The following PRR5L variants were observed in gnomAD, a reference collection of about 807,000 sequenced individuals.
PRR5L encodes the protein proline-rich protein 5-like.
A neutral mutation model predicts 36.4 loss-of-function variants in PRR5L; 21 were observed. The ratio of observed to expected loss-of-function variants is 0.58; its 90% CI spans 0.41 to 0.83. The LOEUF (loss-of-function observed/expected upper bound fraction) is 0.83, where lower values mean the gene tolerates loss of function less well. Among genes scored for constraint, PRR5L ranks in the 40% least tolerant of loss-of-function variants. The pLI is 0.00. For missense variants in PRR5L, 381 were observed against 473.3 expected (o/e 0.80, Z 1.81); for synonymous variants, 188 against 197.0 (o/e 0.95, Z 0.38).
rs376813154 is a variant in PRR5L, at chr11:36,405,291, T to A, written c.245+1913T>A. ...CACAGGCCCACTGATACATCTCTTATTTTTCAAGAAGAACTGGAAATTGAG... is the reference window on the plus strand; with the variant it reads ...CACAGGCCCACTGATACATCTCTTAATTTTCAAGAAGAACTGGAAATTGAG... On this transcript the variant is annotated intron_variant, in intron 3 of 8. Transcript: ENST00000530639. Among the ~76,000 whole-genome samples the A allele has an allele frequency of 2.3e-4, 35 of 152,362 alleles. No individual in the cohort carries two copies. In the South Asian group the frequency reaches 7.3e-3, roughly 32 times the overall value.
intron 1 of PRR5L, among the ~76,000 whole-genome samples, chr11:36,367,096 T>C (rs554679104): frequency 7.2e-5 from 11 of 152,186 alleles, no homozygotes; most frequent in Admixed American, 3.3e-4. Flanking sequence ...AGGGTGTAAA[T>C]GTCATTTTTT....
Position 36,419,253 on chromosome 11 carries a change from A to C in PRR5L, c.246-2A>C. 2 of 1,613,960 alleles carry C rather than the reference A, an allele frequency of 1.2e-6. No homozygotes were observed. The highest frequency in any genetic ancestry group is 1.7e-6 in the Non-Finnish European group (2 of 1,179,822). On this transcript the variant is annotated splice_acceptor_variant, in intron 3 of 8. Coordinates refer to ENST00000530639, the MANE Select transcript of PRR5L (RefSeq NM_001160167.2). LOFTEE classifies it high-confidence loss of function. ...GGTGTTTCTCTTCTCCCTTCTCCCC[A>C]GGCGGCTGTTGAAGAGTGAACTTGG... is the stretch of plus-strand genomic sequence containing the variant.
intron 4 of PRR5L, among the ~76,000 whole-genome samples, chr11:36,431,508 T>C (rs572786466): frequency 6.6e-6 from 1 of 152,258 alleles, no homozygotes; most frequent in African/African-American, 2.4e-5. Flanking sequence ...ATTGCCTCAA[T>C]GCTTCCTTTT....
rs147577886 is a variant in PRR5L at position 36,361,098 on chromosome 11, T to C, written c.-125-39899T>C. ...AACTCATCTTAGTTGCTTGAGATCCTTTTAGGAGGTCCATGAGCTCAAAAC... is the reference window on the plus strand; with the variant it reads ...AACTCATCTTAGTTGCTTGAGATCCCTTTAGGAGGTCCATGAGCTCAAAAC... On this transcript the variant is annotated intron_variant, in intron 1 of 8. Coordinates refer to ENST00000530639, the MANE Select transcript of PRR5L (RefSeq NM_001160167.2). 3.0e-3 allele frequency among the ~76,000 whole-genome samples: 463 copies of C among 152,350 alleles called. 2 individuals carry two copies. Among genetic ancestry groups the C allele is most frequent in the African/African-American group, 0.011 (453 of 41,586 alleles).
chr11:36,427,593 C>T lies in PRR5L; in HGVS notation c.295-4260C>T, dbSNP rs1343058182. Among the ~76,000 whole-genome samples, 3 of 152,164 alleles carry T rather than the reference C, an allele frequency of 2.0e-5. No homozygotes were observed. The South Asian group carries it at 6.2e-4, about 31-fold the overall frequency. ...AGACTGGACACTTAGGAAGAACAAACAATGCAAGATGGCTGCCTGAAACCC... is the reference window on the plus strand; with the variant it reads ...AGACTGGACACTTAGGAAGAACAAATAATGCAAGATGGCTGCCTGAAACCC... On this transcript the variant is annotated intron_variant, in intron 4 of 8. Transcript: ENST00000530639.
At chr11:36,319,682 CTTT>C (rs10565468) in intron 1 of PRR5L, among the ~76,000 whole-genome samples, 1,773 of 140,736 alleles carry the variant, frequency 0.013, 19 homozygotes, top group African/African-American at 0.035. Flanking sequence ...ACTAAATTTC[CTTT>C]TTTTTTTTTT....
In PRR5L at chr11:36,344,205, G is replaced by T. The variant is rs185660025; in HGVS notation, c.-126+47767G>T. Among the ~76,000 whole-genome samples, 174 of 150,266 alleles carry T rather than the reference G, an allele frequency of 1.2e-3. No individual in the cohort carries two copies. The highest frequency in any genetic ancestry group is 0.011 in the Middle Eastern group (3 of 284). On this transcript the variant is annotated intron_variant, in intron 1 of 8. Coordinates refer to ENST00000530639, the MANE Select transcript of PRR5L (RefSeq NM_001160167.2). This position sits in a 1 kb window ranked among gnomAD's most constrained non-coding sequence, Gnocchi z 4.1. ...GCACACTCCAGCCTGGGCAACAAGCGCAAAACTCTGTCTCAAAAAAAAAAA... is the reference window on the plus strand; with the variant it reads ...GCACACTCCAGCCTGGGCAACAAGCTCAAAACTCTGTCTCAAAAAAAAAAA...
chr11:36,319,190 A>C (rs183530065), intron 1 of PRR5L, among the ~76,000 whole-genome samples: 9 of 152,324 alleles, frequency 5.9e-5, no homozygotes, highest in Admixed American at 5.9e-4. Context: ...CCCTGGGACC[A>C]CAGTGAAAGG....
chr11:36,372,726 G>A (rs1857209600), intron 1 of PRR5L, among the ~76,000 whole-genome samples: 1 of 152,196 alleles, frequency 6.6e-6, no homozygotes, highest in African/African-American at 2.4e-5. Context: ...GCCAATTACA[G>A]AGTGCAGGTC....
intron 1 of PRR5L, among the ~76,000 whole-genome samples, chr11:36,319,962 T>C (rs1031616424): frequency 6.6e-6 from 1 of 152,044 alleles, no homozygotes; most frequent in Non-Finnish European, 1.5e-5. Flanking sequence ...GTTGTTTCTG[T>C]AGGGAAAATT....
chr11:36,352,079 C>T (rs186305573), intron 1 of PRR5L, among the ~76,000 whole-genome samples: 7 of 152,042 alleles, frequency 4.6e-5, no homozygotes, highest in Non-Finnish European at 1.0e-4. Flanking sequence ...ACTGCATCCC[C>T]GCCAACATCT....
At chr11:36,329,115 T>A (rs1160015) in intron 1 of PRR5L, 16,845 of 152,212 alleles carry the variant, frequency 0.11, 967 homozygotes, top group Non-Finnish European at 0.13. Flanking sequence ...TTTTTTCTTT[T>A]AGTCTAGAGT....
At chr11:36,441,610 G>T (rs984902335) in intron 6 of PRR5L, among the ~76,000 whole-genome samples, 1 of 152,194 alleles carries the variant, frequency 6.6e-6, no homozygotes, top group Non-Finnish European at 1.5e-5. Flanking sequence ...CCCTTCTTGG[G>T]TCTAGAGGGC....
At chr11:36,427,083 C>A (rs899133698) in intron 4 of PRR5L, among the ~76,000 whole-genome samples, 1 of 152,194 alleles carries the variant, frequency 6.6e-6, no homozygotes, top group South Asian at 2.1e-4. Context: ...TCTTTCCTGT[C>A]CACTGAAGAC....
chr11:36,395,315 G>A (rs1477389685), intron 1 of PRR5L, among the ~76,000 whole-genome samples: 1 of 152,224 alleles, frequency 6.6e-6, no homozygotes, highest in Non-Finnish European at 1.5e-5. Context: ...GCCATGACGT[G>A]TTATTAGAAG....
At chr11:36,366,389 A>G (rs972553803) in intron 1 of PRR5L, among the ~76,000 whole-genome samples, 2 of 137,354 alleles carry the variant, frequency 1.5e-5, no homozygotes, top group Non-Finnish European at 3.2e-5. Context: ...GTTTTTATCA[A>G]TTCCATATTT....
chr11:36,427,954 C>G (rs1373365101), intron 4 of PRR5L, among the ~76,000 whole-genome samples: 1 of 152,340 alleles, frequency 6.6e-6, no homozygotes, highest in East Asian at 1.9e-4. Flanking sequence ...GCACTGGGCA[C>G]TCTTGGTACC....
chr11:36,433,911 A>G (rs1858553190), intron 5 of PRR5L, among the ~76,000 whole-genome samples: 1 of 152,242 alleles, frequency 6.6e-6, no homozygotes. Context: ...AGGGAGGGAA[A>G]GGAAACATTA....
intron 4 of PRR5L, among the ~76,000 whole-genome samples, chr11:36,422,054 T>C (rs181439769): frequency 6.6e-6 from 1 of 152,310 alleles, no homozygotes; most frequent in East Asian, 1.9e-4. Context: ...AGTGGATTGA[T>C]ATAAGAAAAA....
Sources: allele counts gnomAD v4.1 joint callset (sites outside exome capture counted in the v4.1 genomes callset), GRCh38; gene constraint gnomAD v4.1.1; non-coding constraint Gnocchi (gnomAD v3.1); transcripts MANE v1.5; gene names NCBI Gene and HGNC (gene_info 2026-07-23, HGNC 2026-07-21).